E2F5: variants seen among roughly 807,000 people sequenced by gnomAD.
E2F5 encodes transcription factor E2F5.
A neutral mutation model predicts 39.1 loss-of-function variants in E2F5; 23 were observed. That is an observed-to-expected ratio of 0.59 (90% CI 0.42 to 0.83). The LOEUF is 0.83. E2F5 is among the 40% of genes least tolerant of loss of function. The probability of loss-of-function intolerance (pLI) is 0.00; values close to 1 mark genes in which losing one functional copy is unlikely to be tolerated. For synonymous variants in E2F5, 145 were observed against 157.8 expected, an observed-to-expected ratio of 0.92 and a Z score of 0.61; for missense variants, 365 against 406.7, an observed-to-expected ratio of 0.90 and a Z score of 0.88.
chr8:85,181,862 G>C (rs769982902), intron 1 of E2F5, among the ~76,000 whole-genome samples: 1 of 151,602 alleles, frequency 6.6e-6, no homozygotes, highest in Non-Finnish European at 1.5e-5. Flanking sequence ...TTGGCAGGCT[G>C]AAGCAGGAGA....
chr8:85,184,909 A>C (rs1436380148), intron 1 of E2F5, among the ~76,000 whole-genome samples: 2 of 152,246 alleles, frequency 1.3e-5, no homozygotes, highest in Non-Finnish European at 2.9e-5. Context: ...GATAGGAAGA[A>C]TCAATATCAT....
chr8:85,190,190 G>A (rs1812430450), intron 1 of E2F5, among the ~76,000 whole-genome samples: 1 of 151,964 alleles, frequency 6.6e-6, no homozygotes. Context: ...CCTGCCTCAG[G>A]GCTGCTGCAC....
intron 5 of E2F5, 89 bp downstream of exon 5, chr8:85,207,578 T>C (rs1320596230): frequency 4.6e-6 from 5 of 1,077,676 alleles, no homozygotes; most frequent in Middle Eastern, 2.4e-4. Flanking sequence ...TGTGAGCTAA[T>C]TGTGTAAACA....
In E2F5 at chr8:85,209,144, T is replaced by C. The variant is rs1225271711; in HGVS notation, c.618T>C (p.Gly206=). ...GTTTATACCCAATAACTTCAAAGGG[T>C]CAGAATGGACAAAAGAAATACCAGA... ...TQLEVPIPEM[G]QNGQKKYQIN... The change falls in exon 6 of 8, where the codon GGT becomes GGC. Residue 206 remains glycine, a splice_region_variant and synonymous_variant. Coordinates refer to ENST00000416274, the MANE Select transcript of E2F5 (RefSeq NM_001951.4). 2 of 1,613,652 alleles carry C rather than the reference T, an allele frequency of 1.2e-6. No homozygotes were observed. The highest frequency in any genetic ancestry group is 8.5e-7 in the Non-Finnish European group (1 of 1,179,624).
chr8:85,208,008 G>A (rs1812832875), intron 5 of E2F5, among the ~76,000 whole-genome samples: 1 of 152,012 alleles, frequency 6.6e-6, no homozygotes, highest in Non-Finnish European at 1.5e-5. Flanking sequence ...TAATCATATG[G>A]CCAATAATCT....
chr8:85,183,593 T>C (rs1433188717), intron 1 of E2F5, among the ~76,000 whole-genome samples: 7 of 152,186 alleles, frequency 4.6e-5, no homozygotes. Flanking sequence ...TGCTGACATA[T>C]GCTGCAACAT....
chr8:85,191,380 A>G (rs1812460096), intron 1 of E2F5, among the ~76,000 whole-genome samples: 1 of 152,216 alleles, frequency 6.6e-6, no homozygotes, highest in Non-Finnish European at 1.5e-5. Context: ...ATAGTTAATA[A>G]CAATGTATTG....
chr8:85,181,969 A>G (rs938454925), intron 1 of E2F5, among the ~76,000 whole-genome samples: 10 of 152,060 alleles, frequency 6.6e-5, no homozygotes, highest in African/African-American at 1.7e-4. Flanking sequence ...CTCAAAAAAA[A>G]AAAACATGGC....
chr8:85,179,603 T>A (rs897476810), intron 1 of E2F5, among the ~76,000 whole-genome samples: 3 of 152,054 alleles, frequency 2.0e-5, no homozygotes, highest in Admixed American at 1.3e-4. Context: ...AAACATATGT[T>A]TTATGTATTT....
At chr8:85,210,885 T>G (rs1812902094) in intron 6 of E2F5, among the ~76,000 whole-genome samples, 1 of 152,132 alleles carries the variant, frequency 6.6e-6, no homozygotes, top group South Asian at 2.1e-4. Flanking sequence ...TGGGCTACAT[T>G]AGAGCAGGCC....
intron 7 of E2F5, 132 bp downstream of exon 7, chr8:85,212,336 C>T: frequency 3.0e-6 from 2 of 665,256 alleles, no homozygotes; most frequent in South Asian, 4.0e-5. Context: ...GAAAATTCTC[C>T]CTTAACACTT....
chr8:85,196,368 C>T lies in E2F5; in HGVS notation c.235-5779C>T, dbSNP rs4150915. Among the ~76,000 whole-genome samples the T allele has an allele frequency of 2.8e-3, 422 of 152,100 alleles. 2 individuals are homozygous for T. Among genetic ancestry groups the T allele is most frequent in the African/African-American group, 9.7e-3 (403 of 41,490 alleles). On this transcript the variant is annotated intron_variant, in intron 1 of 7. Transcript: ENST00000416274. ...TTAGGTACTATTTCATTTTTTAAAC[C>T]TCATTCTATAAAGTGTTGGTCACAA...
At chr8:85,181,070 G>T (rs929996383) in intron 1 of E2F5, among the ~76,000 whole-genome samples, 5 of 151,746 alleles carry the variant, frequency 3.3e-5, no homozygotes, top group Non-Finnish European at 7.4e-5. Context: ...TAGAGACAGG[G>T]TTTTGCCATA....
At chr8:85,212,376 T>C (rs1225803187) in intron 7 of E2F5, 172 bp downstream of exon 7, 1 of 550,562 alleles carries the variant, frequency 1.8e-6, no homozygotes, top group Non-Finnish European at 3.2e-6. Context: ...CTTCAGAATT[T>C]ATTTTTCTTT....
At chr8:85,181,095 C>G (rs1280713026) in intron 1 of E2F5, among the ~76,000 whole-genome samples, 1 of 151,990 alleles carries the variant, frequency 6.6e-6, no homozygotes, top group Non-Finnish European at 1.5e-5. Context: ...CCAGGCTGGT[C>G]TCGAACTCCT....
Position 85,209,172 on chromosome 8 carries a change from A to C in E2F5, c.646A>C (p.Asn216His). The change falls in exon 6 of 8, where the codon AAT becomes CAT. Residue 216 changes from asparagine to histidine, a missense_variant. Transcript: ENST00000416274. Reference protein sequence around the residue: ...GQNGQKKYQINLKSHSGPIHV... With the variant: ...GQNGQKKYQIHLKSHSGPIHV... Reference sequence around the variant, plus strand: ...GAATGGACAAAAGAAATACCAGATCAATCTAAAGAGTCATTCAGGACCTAT... The same window carrying C: ...GAATGGACAAAAGAAATACCAGATCCATCTAAAGAGTCATTCAGGACCTAT... 1 of 1,614,000 alleles carries C rather than the reference A, an allele frequency of 6.2e-7. No individual in the cohort carries two copies. Among genetic ancestry groups the C allele is most frequent in the South Asian group, 1.1e-5 (1 of 91,080 alleles).
intron 3 of E2F5, among the ~76,000 whole-genome samples, chr8:85,204,847 C>T (rs539732902): frequency 3.3e-5 from 5 of 152,132 alleles, no homozygotes; most frequent in Non-Finnish European, 5.9e-5. Context: ...GGGTCAGGTA[C>T]CAGACAACTG....
chr8:85,198,391 G>T (rs1448160917), intron 1 of E2F5, among the ~76,000 whole-genome samples: 1 of 149,588 alleles, frequency 6.7e-6, no homozygotes, highest in Non-Finnish European at 1.5e-5. Flanking sequence ...TAAAAATATT[G>T]CCCCATTTCT....
intron 1 of E2F5, among the ~76,000 whole-genome samples, chr8:85,184,963 A>C (rs1244710960): frequency 6.6e-6 from 1 of 152,238 alleles, no homozygotes. Context: ...ATTCAATGCT[A>C]TCCCTATCAA....
Sources: gnomAD v4.1 joint callset for allele counts (sites outside exome capture counted in the v4.1 genomes callset) on GRCh38, gnomAD v4.1.1 for gene constraint, MANE v1.5 for transcripts, NCBI Gene and HGNC (gene_info 2026-07-23, HGNC 2026-07-21) for gene names.